The following ADGRE3 variants were observed in gnomAD, a reference collection of about 807,000 sequenced individuals.
ADGRE3 encodes EGF-like module receptor 3.
A neutral mutation model predicts 80.1 loss-of-function variants in ADGRE3; 88 were observed. The ratio of observed to expected loss-of-function variants is 1.10; its 90% CI spans 0.93 to 1.31. The LOEUF is 1.31. Ranked by LOEUF, ADGRE3 falls within the 40% of genes most tolerant of loss-of-function variation. ADGRE3 has a pLI of 0.00. For synonymous variants in ADGRE3, 281 were observed against 294.8 expected, an observed-to-expected ratio of 0.95 and a Z score of 0.48; for missense variants, 715 against 776.5, an observed-to-expected ratio of 0.92 and a Z score of 0.94.
the ADGRE3 span, chr19:14,610,066 T>G: frequency 6.2e-7 from 1 of 1,612,968 alleles, no homozygotes; most frequent in Non-Finnish European, 8.5e-7. Flanking sequence ...CCATCCAGCT[T>G]CTGGGAGCCA....
chr19:14,674,062 G>C (rs1458536093), intron 1 of ADGRE3, among the ~76,000 whole-genome samples: 1 of 151,922 alleles, frequency 6.6e-6, no homozygotes, highest in African/African-American at 2.4e-5. Flanking sequence ...TTATTTTCTT[G>C]TCACAGGAAA....
chr19:14,638,562 C>A (rs767563448), intron 10 of ADGRE3, among the ~76,000 whole-genome samples: 1 of 151,966 alleles, frequency 6.6e-6, no homozygotes, highest in Non-Finnish European at 1.5e-5. Context: ...CCAGCCTGGG[C>A]AACTTAGTGA....
At chr19:14,665,936 GTA>G (rs71309616) in intron 2 of ADGRE3, among the ~76,000 whole-genome samples, 544 of 42,058 alleles carry the variant, frequency 0.013, 13 homozygotes, top group South Asian at 0.014. Flanking sequence ...ACACATATGT[GTA>G]TATATATATA....
At chr19:14,632,553 A>AT (rs1970915337) in intron 13 of ADGRE3, among the ~76,000 whole-genome samples, 1 of 152,140 alleles carries the variant, frequency 6.6e-6, no homozygotes, top group Non-Finnish European at 1.5e-5. Context: ...CTTCCCATGG[A>AT]TGGGATATTG....
chr19:14,606,866 G>C, the ADGRE3 span: 1 of 361,878 alleles, frequency 2.8e-6, no homozygotes. Flanking sequence ...GCATACCATG[G>C]GGACGGGGAC....
the ADGRE3 span, among the ~76,000 whole-genome samples, chr19:14,612,948 CAG>C: frequency 6.7e-6 from 1 of 150,118 alleles, no homozygotes; most frequent in African/African-American, 2.5e-5. Flanking sequence ...TTTTTTGTGA[CAG>C]AGTCTTGCTC....
At chr19:14,626,459 G>GA (rs1023340815) in intron 14 of ADGRE3, among the ~76,000 whole-genome samples, 3 of 151,794 alleles carry the variant, frequency 2.0e-5, no homozygotes, top group African/African-American at 7.3e-5. Context: ...GAAAAGAAAA[G>GA]AAAAAATAGA....
chr19:14,607,210 T>A, the ADGRE3 span: 2 of 155,416 alleles, frequency 1.3e-5, no homozygotes, highest in East Asian at 1.4e-4. Context: ...GAGCTGTTTC[T>A]TTTTTTTTTT....
At chr19:14,656,266 A>T (rs1971754461) in intron 5 of ADGRE3, among the ~76,000 whole-genome samples, 1 of 149,828 alleles carries the variant, frequency 6.7e-6, no homozygotes. Flanking sequence ...AATCGCTTGA[A>T]CCTGGAAGGC....
intron 15 of ADGRE3, 42 bp downstream of exon 15, chr19:14,625,450 G>C (rs1035172021): frequency 4.9e-6 from 6 of 1,235,864 alleles, no homozygotes; most frequent in Non-Finnish European, 7.1e-6. Context: ...TGTCAAGAGA[G>C]GAGTATGTAA....
At chr19:14,665,759 C>G (rs1972075955) in intron 2 of ADGRE3, among the ~76,000 whole-genome samples, 1 of 151,348 alleles carries the variant, frequency 6.6e-6, no homozygotes, top group Admixed American at 6.6e-5. Context: ...TCCCAAAGCA[C>G]TGGGATTACA....
intron 2 of ADGRE3, among the ~76,000 whole-genome samples, chr19:14,667,693 T>G (rs1972142339): frequency 6.6e-6 from 1 of 150,446 alleles, no homozygotes; most frequent in South Asian, 2.1e-4. Flanking sequence ...GTGGGGGGCG[T>G]GGGGAGGGAT....
chr19:14,665,936 GTATATATATATATATATATATA>G lies in ADGRE3; in HGVS notation c.77-2418_77-2397del, dbSNP rs71309616. Among the ~76,000 whole-genome samples, 9 of 42,104 alleles carry G rather than the reference GTATATATATATATATATATATA, an allele frequency of 2.1e-4. 1 individual carries two copies. Among genetic ancestry groups the G allele is most frequent in the East Asian group, 8.2e-4 (1 of 1,218 alleles). The allele number at this position is 42,104 out of a possible 152,430, so 27.6% of individuals were successfully genotyped here. A position where few individuals can be genotyped will look rare whatever the true frequency, so the allele number is the denominator to read the frequency against. On this transcript the variant is annotated intron_variant, in intron 2 of 15. Coordinates refer to ENST00000253673, the MANE Select transcript of ADGRE3 (RefSeq NM_032571.5). ...ATATATTGCATATACACACATATGT[GTATATATATATATATATATATA>G]TATATATATATATATATATAGTGTT...
intron 2 of ADGRE3, among the ~76,000 whole-genome samples, chr19:14,666,133 G>C (rs1034833158): frequency 3.3e-5 from 5 of 150,614 alleles, no homozygotes; most frequent in African/African-American, 1.2e-4. Flanking sequence ...TGGGATTCCC[G>C]GATCAAATGG....
intron 4 of ADGRE3, among the ~76,000 whole-genome samples, chr19:14,661,100 C>T (rs1351976225): frequency 2.0e-5 from 3 of 152,056 alleles, no homozygotes; most frequent in African/African-American, 4.8e-5. Flanking sequence ...CGCCACCACA[C>T]CCAGCTAATT....
the ADGRE3 span, among the ~76,000 whole-genome samples, chr19:14,611,371 CTT>C: frequency 0.059 from 4,509 of 76,068 alleles, 239 homozygotes; most frequent in African/African-American, 0.2. Context: ...AACTTCTATC[CTT>C]TTTTTTTTTT....
At chr19:14,609,608 C>T in the ADGRE3 span, among the ~76,000 whole-genome samples, 5 of 147,044 alleles carry the variant, frequency 3.4e-5, no homozygotes, top group South Asian at 6.5e-4. Flanking sequence ...GAGGCTGAGG[C>T]GGGCGGATCA....
intron 14 of ADGRE3, chr19:14,628,671 T>C: frequency 2.6e-6 from 1 of 377,584 alleles, no homozygotes; most frequent in Non-Finnish European, 5.3e-6. Context: ...TGCTGTTCCA[T>C]GGTTTGAGAT....
chr19:14,636,465 C>G (rs1397115544), intron 11 of ADGRE3, among the ~76,000 whole-genome samples: 1 of 151,820 alleles, frequency 6.6e-6, no homozygotes, highest in Non-Finnish European at 1.5e-5. Context: ...CCTTGGCCTC[C>G]CAAAGCGCTG....
Sources: gnomAD v4.1 joint callset for allele counts (sites outside exome capture counted in the v4.1 genomes callset) on GRCh38, gnomAD v4.1.1 for gene constraint, MANE v1.5 for transcripts, NCBI Gene and HGNC (gene_info 2026-07-23, HGNC 2026-07-21) for gene names.